Variants in DZIP3 observed in about 807,000 individuals in gnomAD.
The protein encoded by DZIP3 is DAZ interacting zinc finger protein 3.
In DZIP3, 118 loss-of-function variants were observed where a neutral mutation model predicts 162.0. The ratio of observed to expected loss-of-function variants is 0.73; its 90% CI spans 0.63 to 0.85. The LOEUF (loss-of-function observed/expected upper bound fraction) is 0.85, where lower values mean the gene tolerates loss of function less well. Ranked by LOEUF, DZIP3 falls within the 40% of genes least tolerant of loss-of-function variation. DZIP3 has a pLI of 0.00. For synonymous variants in DZIP3, 438 were observed against 458.6 expected (o/e 0.96, Z 0.57); for missense variants, 1,331 against 1,407.0 (o/e 0.95, Z 0.86).
intron 21 of DZIP3, among the ~76,000 whole-genome samples, chr3:108,669,440 T>C (rs998463126): frequency 6.6e-6 from 1 of 151,962 alleles, no homozygotes; most frequent in Non-Finnish European, 1.5e-5. Context: ...TCTCTTTTGC[T>C]TTCTAATTTA....
At position 108,677,308 on chromosome 3, in the gene DZIP3, C is replaced by A. The variant is rs539644268; in HGVS notation, c.2782-189C>A. Among the ~76,000 whole-genome samples, 26 of 150,576 alleles carry A rather than the reference C, an allele frequency of 1.7e-4. 1 individual carries two copies. Among genetic ancestry groups the A allele is most frequent in the African/African-American group, 4.9e-4 (20 of 41,042 alleles). On this transcript the variant is annotated intron_variant, in intron 25 of 32. Coordinates refer to ENST00000361582, the MANE Select transcript of DZIP3 (RefSeq NM_014648.4). Reference sequence around the variant, plus strand: ...CCAATAACGACTCCTAAAAATACAACTGTTTACATGTGGGGATGGTCTATA... The same window carrying A: ...CCAATAACGACTCCTAAAAATACAAATGTTTACATGTGGGGATGGTCTATA...
chr3:108,645,453 G>T (rs1177962526), intron 14 of DZIP3, among the ~76,000 whole-genome samples: 1 of 152,130 alleles, frequency 6.6e-6, no homozygotes, highest in Non-Finnish European at 1.5e-5. Context: ...TAACATTCAT[G>T]CAAGTGTTTG....
chr3:108,650,347 T>C (rs1411210979), intron 17 of DZIP3, among the ~76,000 whole-genome samples: 2 of 151,688 alleles, frequency 1.3e-5, no homozygotes, highest in African/African-American at 4.8e-5. Context: ...TAGAATCAAA[T>C]TGGTACTGGA....
chr3:108,629,213 C>G, intron 8 of DZIP3, 37 bp downstream of exon 8: 1 of 1,320,168 alleles, frequency 7.6e-7, no homozygotes, highest in Non-Finnish European at 1.1e-6. Context: ...TTATTTGTAA[C>G]TAATCAGAAT....
intron 27 of DZIP3, among the ~76,000 whole-genome samples, chr3:108,685,680 G>A (rs1365229537): frequency 6.6e-6 from 1 of 152,134 alleles, no homozygotes; most frequent in Non-Finnish European, 1.5e-5. Context: ...GGGCAGAGCA[G>A]TTCTAGTAGT....
At chr3:108,684,608 G>A (rs945076133) in intron 27 of DZIP3, among the ~76,000 whole-genome samples, 7 of 152,076 alleles carry the variant, frequency 4.6e-5, no homozygotes, top group African/African-American at 1.7e-4. Flanking sequence ...TTCTGAAATA[G>A]GCAACAATGC....
chr3:108,669,659 A>T, intron 21 of DZIP3, 22 bp from the exon 22 acceptor site: 1 of 1,607,044 alleles, frequency 6.2e-7, no homozygotes, highest in African/African-American at 1.3e-5. Flanking sequence ...ACATCTTTTG[A>T]CTTTCTTGCT....
chr3:108,610,974 T>A (rs1392338510), intron 3 of DZIP3, among the ~76,000 whole-genome samples, 200 bp from the exon 4 acceptor site: 1 of 152,230 alleles, frequency 6.6e-6, no homozygotes, highest in Admixed American at 6.5e-5. Context: ...TTACAGAGAA[T>A]AATATATGTA....
chr3:108,604,776 A>G (rs751343381), intron 1 of DZIP3, among the ~76,000 whole-genome samples: 1 of 152,240 alleles, frequency 6.6e-6, no homozygotes, highest in Admixed American at 6.5e-5. Flanking sequence ...GAACTCATAT[A>G]TACCTCATGG....
At position 108,662,211 on chromosome 3, in the gene DZIP3, G is replaced by C; in HGVS notation, c.2377G>C (p.Ala793Pro). 6.2e-7 allele frequency: 1 copy of C among 1,606,270 alleles called. No homozygotes were observed. Among genetic ancestry groups the C allele is most frequent in the Non-Finnish European group, 8.5e-7 (1 of 1,178,040 alleles). ...MQIKKKDKII[A>P]SLNQQVAFGI... The stretch of plus-strand genomic sequence containing the variant: ...GATTAAAAAGAAAGACAAAATTATC[G>C]CATCTCTTAATCAACAAGTTGCTTT... The change falls in exon 21 of 33, where the codon GCA becomes CCA. Residue 793 changes from alanine to proline, a missense_variant. Transcript: ENST00000361582.
At chr3:108,664,850 CAGTTGGACTGGG>C (rs1460551953) in intron 21 of DZIP3, among the ~76,000 whole-genome samples, 1 of 152,166 alleles carries the variant, frequency 6.6e-6, no homozygotes, top group African/African-American at 2.4e-5. Context: ...GGGAAGGTGT[CAGTTGGACTGGG>C]AGGGGAGCTG....
intron 26 of DZIP3, among the ~76,000 whole-genome samples, chr3:108,681,704 G>T (rs1407566477): frequency 6.6e-6 from 1 of 152,008 alleles, no homozygotes; most frequent in South Asian, 2.1e-4. Flanking sequence ...TGATAAACTG[G>T]ATAAAGAAAA....
At chr3:108,685,314 G>C (rs943765377) in intron 27 of DZIP3, among the ~76,000 whole-genome samples, 4 of 152,068 alleles carry the variant, frequency 2.6e-5, no homozygotes, top group Non-Finnish European at 5.9e-5. Context: ...ATTACTTTCT[G>C]ATTCCTGGGG....
chr3:108,609,093 G>A lies in DZIP3; in HGVS notation c.102+935G>A, dbSNP rs966722475. Among the ~76,000 whole-genome samples, 8 of 152,042 alleles carry A rather than the reference G, an allele frequency of 5.3e-5. No homozygotes were observed. The South Asian group carries it at 1.2e-3, about 24-fold the overall frequency. ...GAACTCTTATCATGCGACAGCACTA[G>A]GGAGATGATGCTAAACTATTAGAAA... On this transcript the variant is annotated intron_variant, in intron 3 of 32. Coordinates refer to ENST00000361582, the MANE Select transcript of DZIP3 (RefSeq NM_014648.4).
chr3:108,680,609 A>G (rs998589081), intron 26 of DZIP3, among the ~76,000 whole-genome samples: 1 of 152,162 alleles, frequency 6.6e-6, no homozygotes, highest in Admixed American at 6.6e-5. Context: ...ACTGAAAACT[A>G]TCAAACATTG....
At chr3:108,610,715 C>T (rs1443698761) in intron 3 of DZIP3, among the ~76,000 whole-genome samples, 1 of 152,162 alleles carries the variant, frequency 6.6e-6, no homozygotes, top group Non-Finnish European at 1.5e-5. Context: ...AGTAGATATT[C>T]CAGCAGGACT....
chr3:108,644,303 A>T lies in DZIP3; in HGVS notation c.1281A>T (p.Ile427=), dbSNP rs202188507. ...CTCTTTTGAAAAAAGAGCTTCTTATACACAAGAATGTGCTGGAATCCTACT... is the reference window on the plus strand; with the variant it reads ...CTCTTTTGAAAAAAGAGCTTCTTATTCACAAGAATGTGCTGGAATCCTACT... The part of the protein sequence containing the change: ...PPPLLKKELL[I]HKNVLESYYN... The change falls in exon 14 of 33, where the codon ATA becomes ATT. Residue 427 remains isoleucine, a synonymous_variant. Coordinates refer to ENST00000361582, the MANE Select transcript of DZIP3 (RefSeq NM_014648.4). The T allele has an allele frequency of 6.2e-7, 1 of 1,614,044 alleles. No homozygotes were observed. Among genetic ancestry groups the T allele is most frequent in the East Asian group, 2.2e-5 (1 of 44,866 alleles).
At chr3:108,618,170 T>C (rs1242019265) in intron 5 of DZIP3, among the ~76,000 whole-genome samples, 2 of 152,202 alleles carry the variant, frequency 1.3e-5, no homozygotes, top group Admixed American at 1.3e-4. Context: ...GGGGAGAAGG[T>C]AGGAGAAAAG....
At chr3:108,593,985 C>T (rs1475542327) in intron 1 of DZIP3, among the ~76,000 whole-genome samples, 1 of 151,952 alleles carries the variant, frequency 6.6e-6, no homozygotes, top group Non-Finnish European at 1.5e-5. Context: ...AGTATAGTTA[C>T]GGATCTGATC....
Sources: gnomAD v4.1 joint callset for allele counts (sites outside exome capture counted in the v4.1 genomes callset) on GRCh38, gnomAD v4.1.1 for gene constraint, MANE v1.5 for transcripts, NCBI Gene and HGNC (gene_info 2026-07-23, HGNC 2026-07-21) for gene names.